GRM1: variants seen among roughly 807,000 people sequenced by gnomAD.
GRM1 encodes the protein metabotropic glutamate receptor 1.
Under a neutral mutation model 90.9 loss-of-function variants are expected in GRM1, and 33 were observed. That is an observed-to-expected ratio of 0.36 (90% confidence interval 0.28 to 0.49). The LOEUF is 0.49. GRM1 is among the 20% of genes least tolerant of loss of function. GRM1 has a pLI of 0.99. For synonymous variants in GRM1, 700 were observed against 613.2 expected, an observed-to-expected ratio of 1.14 and a Z score of -2.09; for missense variants, 1,190 against 1,534.3, an observed-to-expected ratio of 0.78 and a Z score of 3.75.
intron 2 of GRM1, among the ~76,000 whole-genome samples, chr6:146,261,663 G>A (rs1234452598): frequency 6.6e-6 from 1 of 152,052 alleles, no homozygotes; most frequent in Admixed American, 6.6e-5. Flanking sequence ...GTAGCCCTAA[G>A]CCTAACTGCC....
At chr6:146,361,161 T>C (rs1259602716) in intron 5 of GRM1, among the ~76,000 whole-genome samples, 1 of 152,206 alleles carries the variant, frequency 6.6e-6, no homozygotes, top group African/African-American at 2.4e-5. Flanking sequence ...GTGGGTCTCC[T>C]ATGGTCTGAC....
intron 5 of GRM1, chr6:146,365,069 C>G (rs943420981): frequency 6.6e-6 from 1 of 152,080 alleles, no homozygotes; most frequent in African/African-American, 2.4e-5. Context: ...AATTCTACTG[C>G]AAAATGGCAA....
intron 2 of GRM1, among the ~76,000 whole-genome samples, chr6:146,239,432 G>A (rs957582214): frequency 6.6e-6 from 1 of 152,066 alleles, no homozygotes; most frequent in African/African-American, 2.4e-5. Flanking sequence ...TCTGGTTTGG[G>A]GTCTGTTTCC....
rs373607489 is a variant in GRM1 at position 146,040,946 on chromosome 6, C to A, written c.700+10729C>A. On this transcript the variant is annotated intron_variant, in intron 1 of 7. Coordinates refer to ENST00000282753, the MANE Select transcript of GRM1 (RefSeq NM_001278064.2). ...TTCTTTATTCCTTTTCTTTTTTTTT[C>A]TTTTTTCTCCTCTGAATGTATTTTC... 7.4e-5 allele frequency among the ~76,000 whole-genome samples: 11 copies of A among 149,152 alleles called. No individual in the cohort carries two copies. The East Asian group carries it at 1.4e-3, about 19-fold the overall frequency.
intron 4 of GRM1, among the ~76,000 whole-genome samples, chr6:146,355,839 G>A (rs563675698): frequency 6.6e-6 from 1 of 152,276 alleles, no homozygotes; most frequent in East Asian, 1.9e-4. Flanking sequence ...TGAGAGGGGC[G>A]AGGGATGAAG....
At chr6:146,088,575 G>A (rs890759197) in intron 1 of GRM1, among the ~76,000 whole-genome samples, 3 of 152,086 alleles carry the variant, frequency 2.0e-5, no homozygotes, top group African/African-American at 7.2e-5. Flanking sequence ...CTTGATATTT[G>A]AGGAAAGGAA....
chr6:146,427,009 C>CT (rs1020228909), intron 7 of GRM1, among the ~76,000 whole-genome samples: 2 of 151,726 alleles, frequency 1.3e-5, no homozygotes, highest in Non-Finnish European at 2.9e-5. Flanking sequence ...CTTTTTTTGC[C>CT]TTTTTGCGGT....
intron 2 of GRM1, among the ~76,000 whole-genome samples, chr6:146,226,232 G>A (rs185353345): frequency 1.3e-5 from 2 of 152,184 alleles, no homozygotes; most frequent in East Asian, 3.9e-4. Flanking sequence ...AGCAATTCAG[G>A]GAGTTGCTGT....
At chr6:146,168,557 C>T (rs987512753) in intron 2 of GRM1, among the ~76,000 whole-genome samples, 2 of 151,884 alleles carry the variant, frequency 1.3e-5, no homozygotes, top group Non-Finnish European at 2.9e-5. Context: ...TTCTTCATTC[C>T]TTTGTATTAA....
intron 6 of GRM1, among the ~76,000 whole-genome samples, chr6:146,391,962 C>A (rs362853): frequency 0.44 from 66,191 of 151,884 alleles, 14,570 homozygotes; most frequent in African/African-American, 0.5. Context: ...CAACATTGTT[C>A]TTCATCTGTA....
chr6:146,173,855 A>G (rs192537711), intron 2 of GRM1, among the ~76,000 whole-genome samples: 165 of 151,906 alleles, frequency 1.1e-3, no homozygotes, highest in Non-Finnish European at 1.1e-3. Flanking sequence ...TTTAGTAGAG[A>G]TGGGGTTGGC....
rs569220392 is a variant in GRM1, at chr6:146,334,964, A to AT, written c.1187-17280dup. On this transcript the variant is annotated intron_variant, in intron 3 of 7. Coordinates refer to ENST00000282753, the MANE Select transcript of GRM1 (RefSeq NM_001278064.2). ...TGTGTAAAGAATTTCTCTTTATTGG[A>AT]TTTTTTCCCTTTGAAATTTAGCCAA... 4.8e-3 allele frequency among the ~76,000 whole-genome samples: 728 copies of AT among 151,988 alleles called. 4 individuals are homozygous for AT. Among genetic ancestry groups the AT allele is most frequent in the African/African-American group, 0.017 (698 of 41,462 alleles).
chr6:146,118,485 C>T (rs933338307), intron 1 of GRM1, among the ~76,000 whole-genome samples: 5 of 152,126 alleles, frequency 3.3e-5, no homozygotes, highest in South Asian at 2.1e-4. Flanking sequence ...ATGTGCACAA[C>T]GTGCAGGGTT....
In GRM1 at chr6:146,061,046, G is replaced by T. The variant is rs114019908; in HGVS notation, c.700+30829G>T. Among the ~76,000 whole-genome samples, 222 of 152,178 alleles carry T rather than the reference G, an allele frequency of 1.5e-3. 1 individual carries two copies. The highest frequency in any genetic ancestry group is 5.2e-3 in the African/African-American group (215 of 41,544). On this transcript the variant is annotated intron_variant, in intron 1 of 7. Transcript: ENST00000282753. ...AATTGTACTATTATTGTGTCTCAGT[G>T]AAAGGAAAGGCCTGTGGAGAGGGAG...
At chr6:146,336,287 C>T (rs1199993608) in intron 3 of GRM1, among the ~76,000 whole-genome samples, 2 of 152,084 alleles carry the variant, frequency 1.3e-5, no homozygotes, top group African/African-American at 4.8e-5. Context: ...GATTCCTTTG[C>T]TAATGATTTG....
intron 5 of GRM1, among the ~76,000 whole-genome samples, chr6:146,368,398 C>T (rs1467141665): frequency 6.6e-6 from 1 of 152,032 alleles, no homozygotes; most frequent in East Asian, 1.9e-4. Context: ...GCTAGAACTT[C>T]CAGTACCATG....
At chr6:146,371,492 A>G (rs1175311679) in intron 5 of GRM1, among the ~76,000 whole-genome samples, 2 of 152,004 alleles carry the variant, frequency 1.3e-5, no homozygotes, top group African/African-American at 2.4e-5. Flanking sequence ...AATCTTTACG[A>G]TATTTTAAAA....
chr6:146,105,377 A>G (rs998963241), intron 1 of GRM1, among the ~76,000 whole-genome samples: 2 of 152,226 alleles, frequency 1.3e-5, no homozygotes, highest in African/African-American at 4.8e-5. Flanking sequence ...GTTAAAATCT[A>G]TAACTCATAC....
chr6:146,296,446 T>G (rs527460392), intron 2 of GRM1, among the ~76,000 whole-genome samples: 2 of 152,312 alleles, frequency 1.3e-5, no homozygotes, highest in South Asian at 4.1e-4. Flanking sequence ...TCTATTCTTT[T>G]AGCAATTTAA....
Sources: allele counts gnomAD v4.1 joint callset (sites outside exome capture counted in the v4.1 genomes callset), GRCh38; gene constraint gnomAD v4.1.1; transcripts MANE v1.5; gene names NCBI Gene and HGNC (gene_info 2026-07-23, HGNC 2026-07-21).